Variants in KCND2 observed in about 807,000 individuals in gnomAD.
KCND2 encodes potassium voltage-gated channel subfamily D member 2.
Under a neutral mutation model 54.4 loss-of-function variants are expected in KCND2, and 16 were observed. The observed-to-expected ratio is 0.29, with a 90% CI of 0.20 to 0.45. The LOEUF (loss-of-function observed/expected upper bound fraction) is 0.45. Ranked by LOEUF, KCND2 falls within the 20% of genes least tolerant of loss-of-function variation. The pLI, the probability that KCND2 is intolerant of heterozygous loss-of-function variation, is 1.00. For synonymous variants in KCND2, 317 were observed against 310.7 expected (o/e 1.02, Z -0.21); for missense variants, 486 against 824.2 (o/e 0.59, Z 5.02).
chr7:120,554,365 C>T (rs1792136557), intron 1 of KCND2, among the ~76,000 whole-genome samples: 1 of 152,112 alleles, frequency 6.6e-6, no homozygotes, highest in South Asian at 2.1e-4. Context: ...CATCCAGCCC[C>T]AGAGTTTCTG....
chr7:120,496,677 G>A (rs1036008792), intron 1 of KCND2, among the ~76,000 whole-genome samples: 5 of 152,058 alleles, frequency 3.3e-5, no homozygotes, highest in African/African-American at 1.2e-4. Context: ...ACCTGCCTCG[G>A]CCTCCCAAAG....
intron 1 of KCND2, among the ~76,000 whole-genome samples, chr7:120,668,243 T>G (rs749640104): frequency 4.6e-5 from 7 of 152,068 alleles, no homozygotes; most frequent in Non-Finnish European, 8.8e-5. Context: ...CGTAATTATA[T>G]TCTATCTCCT....
chr7:120,618,235 T>G (rs544624503), intron 1 of KCND2, among the ~76,000 whole-genome samples: 27 of 152,164 alleles, frequency 1.8e-4, no homozygotes, highest in Admixed American at 6.5e-5. Context: ...TCCAAATAAG[T>G]GAAATGAGTC....
At chr7:120,279,958 TGTAGAGACTTAAA>T (rs1799238574) in intron 1 of KCND2, among the ~76,000 whole-genome samples, 1 of 151,976 alleles carries the variant, frequency 6.6e-6, no homozygotes, top group Admixed American at 6.6e-5. Context: ...GAATCATTTA[TGTAGAGACTTAAA>T]GTTTACCCAG....
chr7:120,388,892 A>ATG (rs71916081), intron 1 of KCND2, among the ~76,000 whole-genome samples: 1 of 149,144 alleles, frequency 6.7e-6, no homozygotes, highest in African/African-American at 2.4e-5. Context: ...ATATACATGT[A>ATG]TATATATATA....
At chr7:120,418,639 C>T (rs930469006) in intron 1 of KCND2, among the ~76,000 whole-genome samples, 1 of 152,000 alleles carries the variant, frequency 6.6e-6, no homozygotes, top group Non-Finnish European at 1.5e-5. Context: ...TTATTAGTTC[C>T]CAGGTGGTGT....
At chr7:120,335,586 C>T (rs531524829) in intron 1 of KCND2, among the ~76,000 whole-genome samples, 21 of 151,646 alleles carry the variant, frequency 1.4e-4, no homozygotes, top group Non-Finnish European at 2.4e-4. Flanking sequence ...TCCGGGTTCA[C>T]GCCATTCTCC....
chr7:120,686,636 T>C (rs556525989), intron 1 of KCND2, among the ~76,000 whole-genome samples: 1 of 152,248 alleles, frequency 6.6e-6, no homozygotes, highest in Admixed American at 6.5e-5. Flanking sequence ...GAGTGCATGG[T>C]TTGACCTTTG....
chr7:120,742,450 C>T (rs1420094204), intron 3 of KCND2, 60 bp from the exon 4 acceptor site: 3 of 1,315,496 alleles, frequency 2.3e-6, no homozygotes, highest in Admixed American at 3.4e-5. Context: ...AATATGTAGC[C>T]GAGGTTCGAG....
chr7:120,453,896 C>A (rs111466205), intron 1 of KCND2, among the ~76,000 whole-genome samples: 19 of 152,256 alleles, frequency 1.2e-4, no homozygotes, highest in African/African-American at 4.1e-4. Flanking sequence ...ACCATCCTGG[C>A]TAACATGGTG....
intron 1 of KCND2, among the ~76,000 whole-genome samples, chr7:120,323,081 C>A (rs1380063614): frequency 6.6e-6 from 1 of 151,964 alleles, no homozygotes; most frequent in Non-Finnish European, 1.5e-5. Flanking sequence ...CTGCACCTAT[C>A]AACCCATCAT....
intron 1 of KCND2, among the ~76,000 whole-genome samples, chr7:120,356,547 A>G (rs1800508651): frequency 1.3e-5 from 2 of 152,148 alleles, no homozygotes. Context: ...ATTTAATTGA[A>G]ACGTGATTAA....
intron 1 of KCND2, among the ~76,000 whole-genome samples, chr7:120,420,604 C>A (rs909385171): frequency 6.6e-6 from 1 of 151,978 alleles, no homozygotes; most frequent in African/African-American, 2.4e-5. Context: ...GCATATCCAT[C>A]GGGGTGAGGA....
intron 1 of KCND2, among the ~76,000 whole-genome samples, chr7:120,379,387 C>G (rs1800883719): frequency 1.3e-5 from 2 of 152,002 alleles, no homozygotes; most frequent in African/African-American, 2.4e-5. Flanking sequence ...TGTTTAAGGT[C>G]ACAACTGGCC....
At chr7:120,464,186 C>A in intron 1 of KCND2, 3 of 434,046 alleles carry the variant, frequency 6.9e-6, no homozygotes, top group Non-Finnish European at 9.1e-6. Context: ...TGAGTCTGTT[C>A]GTGCAAGCTA....
chr7:120,285,415 TAA>T (rs75914546), intron 1 of KCND2, among the ~76,000 whole-genome samples: 19,059 of 151,894 alleles, frequency 0.13, 1,250 homozygotes, highest in African/African-American at 0.16. Flanking sequence ...AAGAAAGTAT[TAA>T]GTCTTTTTGT....
chr7:120,574,996 C>T (rs1000892830), intron 1 of KCND2, among the ~76,000 whole-genome samples: 6 of 149,368 alleles, frequency 4.0e-5, no homozygotes, highest in Admixed American at 6.7e-5. Flanking sequence ...CTTACAAAGA[C>T]ATATAATTAA....
intron 1 of KCND2, among the ~76,000 whole-genome samples, chr7:120,428,426 A>G (rs969315006): frequency 2.0e-5 from 3 of 152,234 alleles, no homozygotes; most frequent in African/African-American, 7.2e-5. Context: ...CAGAGTAGGA[A>G]ATAAGCGTTA....
intron 1 of KCND2, among the ~76,000 whole-genome samples, chr7:120,629,982 A>T (rs1261871713): frequency 6.6e-6 from 1 of 152,156 alleles, no homozygotes; most frequent in Non-Finnish European, 1.5e-5. Flanking sequence ...CAGGGAAGAA[A>T]TTGAGGCTGG....
Sources: gnomAD v4.1 joint callset for allele counts (sites outside exome capture counted in the v4.1 genomes callset) on GRCh38, gnomAD v4.1.1 for gene constraint, MANE v1.5 for transcripts, NCBI Gene and HGNC (gene_info 2026-07-23, HGNC 2026-07-21) for gene names.